RANBP10: variants seen among roughly 807,000 people sequenced by gnomAD.
RANBP10 encodes the protein RAN binding protein 10, also known as ran-binding protein 10.
Under a neutral mutation model 72.8 loss-of-function variants are expected in RANBP10, and 24 were observed. The ratio of observed to expected loss-of-function variants is 0.33; its 90% CI spans 0.24 to 0.46. The LOEUF (loss-of-function observed/expected upper bound fraction) is 0.46. Ranked by LOEUF, RANBP10 falls within the 20% of genes least tolerant of loss-of-function variation. The pLI is 1.00. For missense variants in RANBP10, 679 were observed against 817.5 expected (o/e 0.83, Z 2.07); for synonymous variants, 310 against 322.3 (o/e 0.96, Z 0.41).
intron 3 of RANBP10, among the ~76,000 whole-genome samples, chr16:67,746,862 C>A (rs1364995553): frequency 6.6e-6 from 1 of 152,194 alleles, no homozygotes; most frequent in Admixed American, 6.5e-5. Flanking sequence ...AAGCAGTGTT[C>A]CATTCCTTTT....
chr16:67,768,341 G>A (rs1395138272), intron 3 of RANBP10, among the ~76,000 whole-genome samples: 2 of 151,580 alleles, frequency 1.3e-5, no homozygotes, highest in East Asian at 2.0e-4. Flanking sequence ...GCAACATGGC[G>A]AAACCCCATC....
chr16:67,773,269 T>C (rs1243582226), intron 2 of RANBP10, among the ~76,000 whole-genome samples: 1 of 152,188 alleles, frequency 6.6e-6, no homozygotes, highest in African/African-American at 2.4e-5. Context: ...TTGTTCCCGT[T>C]GTTGCCATGT....
chr16:67,727,232 G>A, intron 13 of RANBP10, 95 bp downstream of exon 13: 6 of 1,218,310 alleles, frequency 4.9e-6, no homozygotes, highest in Non-Finnish European at 6.8e-6. Flanking sequence ...GGCAGAGGTG[G>A]AGATTGCTGT....
At chr16:67,771,938 A>C in intron 3 of RANBP10, 96 bp downstream of exon 3, 1 of 1,445,542 alleles carries the variant, frequency 6.9e-7, no homozygotes, top group Non-Finnish European at 9.5e-7. Flanking sequence ...GCAGCTAGCA[A>C]ACAAAGTCCT....
At chr16:67,728,532 G>A in intron 10 of RANBP10, 21 bp from the exon 11 acceptor site, 1 of 1,613,934 alleles carries the variant, frequency 6.2e-7, no homozygotes, top group Non-Finnish European at 8.5e-7. Context: ...GGGTTGAGGT[G>A]GGAGTTGGCC....
At chr16:67,734,336 G>A (rs369134328) in intron 6 of RANBP10, among the ~76,000 whole-genome samples, 4 of 152,334 alleles carry the variant, frequency 2.6e-5, no homozygotes, top group East Asian at 3.9e-4. Flanking sequence ...GGAGTTCAGC[G>A]ACACTGGCTT....
intron 3 of RANBP10, among the ~76,000 whole-genome samples, chr16:67,771,463 T>C (rs2054606494): frequency 1.3e-5 from 2 of 152,004 alleles, no homozygotes; most frequent in Non-Finnish European, 2.9e-5. Flanking sequence ...CTCCTGCCTC[T>C]GCCTCCCAAG....
In RANBP10 at chr16:67,726,388, G is replaced by C. The variant is rs2053599881; in HGVS notation, c.*40C>G. On this transcript the variant is annotated 3_prime_UTR_variant, in exon 14 of 14. Transcript: ENST00000317506. ...GAGGGCAGGGCAGCTCCAGCCCTGG[G>C]GCCAGTGGAGGGCCAGCCAGAGCCA... is the stretch of plus-strand genomic sequence containing the variant. The C allele has an allele frequency of 1.9e-6, 3 of 1,609,696 alleles. No homozygotes were observed. Among genetic ancestry groups the C allele is most frequent in the Non-Finnish European group, 2.5e-6 (3 of 1,178,604 alleles).
chr16:67,804,200 A>G (rs2055289295), intron 2 of RANBP10, among the ~76,000 whole-genome samples: 1 of 152,058 alleles, frequency 6.6e-6, no homozygotes, highest in African/African-American at 2.4e-5. Flanking sequence ...CAAACTTCAG[A>G]CACCAAACCT....
rs189452875 is a variant in RANBP10, at chr16:67,724,242, C to T, written c.*2186G>A. On this transcript the variant is annotated 3_prime_UTR_variant, in exon 14 of 14. Coordinates refer to ENST00000317506, the MANE Select transcript of RANBP10 (RefSeq NM_020850.3). ...CAGCCTGACCCCTCATGGGGTTTAT[C>T]TGCCATTCGGTTTCAGGACTAAATA... 6.6e-6 allele frequency: 1 copy of T among 152,394 alleles called. No individual in the cohort carries two copies. Among genetic ancestry groups the T allele is most frequent in the East Asian group, 1.9e-4 (1 of 5,188 alleles). The allele number at this position is 152,394 out of a possible 1,614,324, so 9.4% of individuals were successfully genotyped here. A position where few individuals can be genotyped will look rare whatever the true frequency, so the allele number is the denominator to read the frequency against.
chr16:67,750,684 G>T (rs1388611719), intron 3 of RANBP10, among the ~76,000 whole-genome samples: 1 of 151,092 alleles, frequency 6.6e-6, no homozygotes, highest in Non-Finnish European at 1.5e-5. Flanking sequence ...GGATGATCCT[G>T]TATGACAGAT....
In RANBP10 at chr16:67,723,117, CAG is replaced by C. The variant is rs1019043555; in HGVS notation, c.*3309_*3310del. 17 of 152,578 alleles carry C rather than the reference CAG, an allele frequency of 1.1e-4. 1 individual carries two copies. The highest frequency in any genetic ancestry group is 4.1e-4 in the South Asian group (2 of 4,822). 9.5% of individuals were successfully genotyped at this position (152,578 alleles called of 1,614,324 possible). ...TAAAAATAATTCTGTCAAAATACAA[CAG>C]AGTTTTTTTTTTGTCTCTCAAGTAC... On this transcript the variant is annotated 3_prime_UTR_variant, in exon 14 of 14. Transcript: ENST00000317506.
rs867036542 is a variant in RANBP10 at position 67,777,431 on chromosome 16, G to T, written c.348-5345C>A. ...GGGGCCTGTAGTCCCAGCTACGGGG[G>T]AGGCTGAGGCAGGAGAATGGCGTGA... is the stretch of plus-strand genomic sequence containing the variant. On this transcript the variant is annotated intron_variant, in intron 2 of 13. Coordinates refer to ENST00000317506, the MANE Select transcript of RANBP10 (RefSeq NM_020850.3). 8.5e-5 allele frequency among the ~76,000 whole-genome samples: 13 copies of T among 152,196 alleles called. No homozygotes were observed. The South Asian group carries it at 1.7e-3, about 19-fold the overall frequency.
chr16:67,745,310 A>G (rs1206497533), intron 3 of RANBP10, among the ~76,000 whole-genome samples: 1 of 151,168 alleles, frequency 6.6e-6, no homozygotes, highest in Non-Finnish European at 1.5e-5. Flanking sequence ...TAGTTTACAT[A>G]TAGTAAGATT....
At chr16:67,747,821 T>A (rs968271637) in intron 3 of RANBP10, among the ~76,000 whole-genome samples, 1 of 147,860 alleles carries the variant, frequency 6.8e-6, no homozygotes, top group South Asian at 2.2e-4. Flanking sequence ...TCTTTTCTTT[T>A]TTTTTTTTTT....
At position 67,729,230 on chromosome 16, in the gene RANBP10, C is replaced by A. The variant is rs761863749; in HGVS notation, c.1352+50G>T. On this transcript the variant is annotated intron_variant, in intron 10 of 13. Transcript: ENST00000317506. This position sits in a 1 kb window ranked among gnomAD's most constrained non-coding sequence, Gnocchi z 7.1. Reference sequence around the variant, plus strand: ...CTCAAAGGACAGACTGCAATGGGCCCAGCTGGCATAAGGCAGAAGGCAGAG... The same window carrying A: ...CTCAAAGGACAGACTGCAATGGGCCAAGCTGGCATAAGGCAGAAGGCAGAG... 1.9e-6 allele frequency: 3 copies of A among 1,596,260 alleles called. No homozygotes were observed. The East Asian group carries it at 6.7e-5, about 36-fold the overall frequency.
At chr16:67,764,562 A>G (rs1030816096) in intron 3 of RANBP10, among the ~76,000 whole-genome samples, 7 of 152,236 alleles carry the variant, frequency 4.6e-5, no homozygotes, top group Non-Finnish European at 7.3e-5. Flanking sequence ...CGTAGCTTGC[A>G]GTCTAATAAT....
chr16:67,796,616 A>G (rs2055139648), intron 2 of RANBP10, among the ~76,000 whole-genome samples: 1 of 152,166 alleles, frequency 6.6e-6, no homozygotes. Flanking sequence ...TCAATCAGTA[A>G]TGTTGGTCAT....
intron 2 of RANBP10, among the ~76,000 whole-genome samples, chr16:67,774,759 G>A (rs981082007): frequency 6.6e-6 from 1 of 152,154 alleles, no homozygotes; most frequent in Non-Finnish European, 1.5e-5. Context: ...CAAATACTGG[G>A]TGACATTAAG....
Sources: allele counts gnomAD v4.1 joint callset (sites outside exome capture counted in the v4.1 genomes callset), GRCh38; gene constraint gnomAD v4.1.1; non-coding constraint Gnocchi (gnomAD v3.1); transcripts MANE v1.5; gene names NCBI Gene and HGNC (gene_info 2026-07-23, HGNC 2026-07-21).